Variants in RANBP17 observed in about 807,000 individuals in gnomAD.
The protein encoded by RANBP17 is ran-binding protein 17.
Under a neutral mutation model 141.2 loss-of-function variants are expected in RANBP17, and 158 were observed. The observed-to-expected ratio is 1.12, with a 90% CI of 0.98 to 1.28. The LOEUF (loss-of-function observed/expected upper bound fraction) is 1.28, where lower values mean the gene tolerates loss of function less well. Among genes scored for constraint, RANBP17 ranks in the 50% most tolerant of loss-of-function variants. The probability of loss-of-function intolerance (pLI) is 0.00; values close to 1 mark genes in which losing one functional copy is unlikely to be tolerated. For synonymous variants in RANBP17, 430 were observed against 450.0 expected (o/e 0.96, Z 0.56); for missense variants, 1,438 against 1,290.7 (o/e 1.11, Z -1.75).
At chr5:171,265,977 G>T in intron 25 of RANBP17, 130 bp downstream of exon 25, 2 of 677,192 alleles carry the variant, frequency 3.0e-6, no homozygotes, top group Non-Finnish European at 4.8e-6. Flanking sequence ...TATATATATT[G>T]TCTGGGAGTA....
At chr5:171,145,718 G>T (rs1370348448) in intron 14 of RANBP17, among the ~76,000 whole-genome samples, 1 of 152,086 alleles carries the variant, frequency 6.6e-6, no homozygotes. Flanking sequence ...ATTGAAATAG[G>T]CCCAAAGTAT....
At chr5:171,011,252 T>C (rs1780013204) in intron 14 of RANBP17, among the ~76,000 whole-genome samples, 1 of 152,136 alleles carries the variant, frequency 6.6e-6, no homozygotes, top group East Asian at 1.9e-4. Context: ...TTGTATTTGC[T>C]TAGTTTGCCA....
chr5:171,237,432 C>T (rs1420605947), intron 22 of RANBP17, among the ~76,000 whole-genome samples: 1 of 152,108 alleles, frequency 6.6e-6, no homozygotes. Flanking sequence ...GTACTTGTGC[C>T]TCCATTCCCC....
chr5:171,276,948 C>G (rs1767527006), intron 25 of RANBP17, among the ~76,000 whole-genome samples: 1 of 141,382 alleles, frequency 7.1e-6, no homozygotes, highest in Non-Finnish European at 1.5e-5. Context: ...AAAAAAACCT[C>G]TGCAAGGAAA....
chr5:170,931,916 T>TA (rs1773424344), intron 12 of RANBP17, among the ~76,000 whole-genome samples: 2 of 152,314 alleles, frequency 1.3e-5, no homozygotes, highest in South Asian at 4.1e-4. Flanking sequence ...ATATGAACTT[T>TA]AAAGTAGTTT....
At chr5:171,101,434 T>C (rs1787157223) in intron 14 of RANBP17, among the ~76,000 whole-genome samples, 1 of 152,238 alleles carries the variant, frequency 6.6e-6, no homozygotes, top group African/African-American at 2.4e-5. Context: ...GCTCTTTTTT[T>C]GCTTTCCATT....
rs1041121412 is a variant in RANBP17, at chr5:171,284,568, T to G, written c.2944-9315T>G. The G allele has an allele frequency of 2.0e-5, 3 of 152,308 alleles. No homozygotes were observed. In the South Asian group the frequency reaches 6.2e-4, roughly 32 times the overall value. 9.4% of individuals were successfully genotyped at this position (152,308 alleles called of 1,614,324 possible). On this transcript the variant is annotated intron_variant, in intron 25 of 27. Transcript: ENST00000523189. ...CTCGAACTCCTGAACTCAAGCAATC[T>G]GCCCACCTTGGCCTCCAAAGTGCTG...
chr5:171,136,275 C>T (rs1008084671), intron 14 of RANBP17, among the ~76,000 whole-genome samples: 7 of 151,958 alleles, frequency 4.6e-5, no homozygotes, highest in Admixed American at 3.9e-4. Context: ...AAGTGGGAAG[C>T]GAAATTATTT....
At chr5:171,178,260 G>A (rs1170353957) in intron 16 of RANBP17, among the ~76,000 whole-genome samples, 3 of 148,754 alleles carry the variant, frequency 2.0e-5, no homozygotes, top group Non-Finnish European at 4.4e-5. Flanking sequence ...TTATGAGTGA[G>A]AACATGTGGT....
intron 20 of RANBP17, among the ~76,000 whole-genome samples, chr5:171,213,061 T>G (rs546851630): frequency 8.5e-5 from 13 of 152,322 alleles, no homozygotes; most frequent in African/African-American, 2.6e-4. Flanking sequence ...ATCCCAGATA[T>G]TCCTTGGAGC....
chr5:171,041,567 G>A (rs1461068437), intron 14 of RANBP17, among the ~76,000 whole-genome samples: 1 of 152,024 alleles, frequency 6.6e-6, no homozygotes, highest in African/African-American at 2.4e-5. Context: ...ACACAAACCT[G>A]GATGGTATAG....
intron 25 of RANBP17, among the ~76,000 whole-genome samples, chr5:171,266,540 C>CCAGAGG (rs1181316892): frequency 2.6e-5 from 4 of 152,066 alleles, no homozygotes; most frequent in African/African-American, 9.7e-5. Flanking sequence ...ACCAGCTGCT[C>CCAGAGG]CAGAGGCAGA....
chr5:171,022,887 G>C (rs933115320), intron 14 of RANBP17, among the ~76,000 whole-genome samples: 9 of 152,220 alleles, frequency 5.9e-5, no homozygotes, highest in Non-Finnish European at 1.2e-4. Flanking sequence ...GGGCTCTGGG[G>C]TTGGGATGCT....
intron 23 of RANBP17, among the ~76,000 whole-genome samples, chr5:171,242,470 T>C (rs187357496): frequency 6.6e-6 from 1 of 152,338 alleles, no homozygotes; most frequent in Non-Finnish European, 1.5e-5. Context: ...TTTTAAGTGC[T>C]AACCATATAA....
intron 3 of RANBP17, among the ~76,000 whole-genome samples, chr5:170,886,438 G>C (rs1384630983): frequency 6.6e-6 from 1 of 152,006 alleles, no homozygotes; most frequent in Non-Finnish European, 1.5e-5. Context: ...TTGTAGATAA[G>C]GGCAGTCCTG....
At chr5:171,230,741 G>A (rs780453392) in intron 22 of RANBP17, among the ~76,000 whole-genome samples, 87 of 151,996 alleles carry the variant, frequency 5.7e-4, no homozygotes, top group Non-Finnish European at 9.7e-4. Context: ...CAGCCTGGGC[G>A]ACAGAGCAAG....
chr5:171,175,034 A>G (rs1194796406), intron 16 of RANBP17, among the ~76,000 whole-genome samples: 1 of 151,974 alleles, frequency 6.6e-6, no homozygotes, highest in Middle Eastern at 3.4e-3. Context: ...CCCACTTATG[A>G]GTGAGAACAT....
At chr5:170,987,829 C>A (rs561212700) in intron 14 of RANBP17, among the ~76,000 whole-genome samples, 109 of 151,600 alleles carry the variant, frequency 7.2e-4, no homozygotes, top group African/African-American at 2.5e-3. Context: ...AAAATCTTTG[C>A]AGCCACTGGT....
chr5:171,265,820 G>A lies in RANBP17; in HGVS notation c.2916G>A (p.Met972Ile). 1 of 1,613,712 alleles carries A rather than the reference G, an allele frequency of 6.2e-7. No individual in the cohort carries two copies. Among genetic ancestry groups the A allele is most frequent in the South Asian group, 1.1e-5 (1 of 90,942 alleles). Residue 972 changes from methionine (M) to isoleucine (I), a missense_variant, in exon 25 of 28, where the codon ATG becomes ATA. Transcript: ENST00000523189. ...TQAGQRLLHF[M>I]QQNPDVLQQM... The stretch of plus-strand genomic sequence containing the variant: ...CTGGTCAGAGACTATTACATTTTAT[G>A]CAGCAAAACCCAGATGTCCTGCAGC...
Sources: allele counts gnomAD v4.1 joint callset (sites outside exome capture counted in the v4.1 genomes callset), GRCh38; gene constraint gnomAD v4.1.1; transcripts MANE v1.5; gene names NCBI Gene and HGNC (gene_info 2026-07-23, HGNC 2026-07-21).